Variants in TMEM255B observed in about 807,000 individuals in gnomAD.
TMEM255B encodes the protein transmembrane protein 255B.
Under a neutral mutation model 34.5 loss-of-function variants are expected in TMEM255B, and 35 were observed. The ratio of observed to expected loss-of-function variants is 1.01; its 90% CI spans 0.77 to 1.34. TMEM255B has a LOEUF of 1.34. Among genes scored for constraint, TMEM255B ranks in the 40% most tolerant of loss-of-function variants. TMEM255B has a pLI of 0.00. For synonymous variants in TMEM255B, 206 were observed against 201.2 expected (o/e 1.02, Z -0.20); for missense variants, 432 against 433.2 (o/e 1.00, Z 0.02).
chr13:113,816,939 G>T lies in TMEM255B; in HGVS notation c.*5036G>T, dbSNP rs150771063. 2,185 of 152,276 alleles carry T rather than the reference G, an allele frequency of 0.014. 38 individuals carry two copies. Among genetic ancestry groups the T allele is most frequent in the Non-Finnish European group, 0.025 (1,715 of 68,052 alleles). 9.4% of individuals were successfully genotyped at this position (152,276 alleles called of 1,614,324 possible). On this transcript the variant is annotated 3_prime_UTR_variant, in exon 9 of 9. Coordinates refer to ENST00000375353, the MANE Select transcript of TMEM255B (RefSeq NM_182614.4). ...CTACAAATGGGCTGTGCTGGGATTA[G>T]CCCGGCTGTACATTTGCTTTATGCT...
chr13:113,773,607 A>G (rs1002774582), intron 3 of TMEM255B, among the ~76,000 whole-genome samples: 5 of 152,206 alleles, frequency 3.3e-5, no homozygotes, highest in Non-Finnish European at 7.3e-5. Flanking sequence ...TGCCTGTGCA[A>G]GCTCATTTCT....
At chr13:113,766,690 C>G (rs949009507) in intron 2 of TMEM255B, among the ~76,000 whole-genome samples, 2 of 152,166 alleles carry the variant, frequency 1.3e-5, no homozygotes, top group East Asian at 1.9e-4. Context: ...GGGACCAGGT[C>G]GACCACCATA....
In TMEM255B at chr13:113,806,700, G is replaced by C. The variant is rs1354741353; in HGVS notation, c.813+1672G>C. Among the ~76,000 whole-genome samples the C allele has an allele frequency of 6.6e-6, 1 of 152,116 alleles. No homozygotes were observed. Among genetic ancestry groups the C allele is most frequent in the Non-Finnish European group, 1.5e-5 (1 of 67,982 alleles). ...CCCCAAGCCTCCTGCCCCTGCCCCA[G>C]GGACGTCCCCATCATGGCAGGGACC... On this transcript the variant is annotated intron_variant, in intron 8 of 8. Transcript: ENST00000375353. The surrounding 1 kb of genome is among the most constrained non-coding windows in gnomAD (Gnocchi z 4.2).
chr13:113,801,965 G>T (rs2051074252), intron 7 of TMEM255B, among the ~76,000 whole-genome samples, 153 bp downstream of exon 7: 1 of 152,164 alleles, frequency 6.6e-6, no homozygotes, highest in Non-Finnish European at 1.5e-5. Context: ...GTGACAGCTG[G>T]CGTGCACCGA....
At chr13:113,763,836 T>C (rs2050346147) in intron 1 of TMEM255B, among the ~76,000 whole-genome samples, 1 of 152,222 alleles carries the variant, frequency 6.6e-6, no homozygotes, top group African/African-American at 2.4e-5. Context: ...CCAACGAGGG[T>C]TGGCTTTTAG....
At chr13:113,768,686 T>C (rs1210204464) in intron 2 of TMEM255B, among the ~76,000 whole-genome samples, 1 of 152,202 alleles carries the variant, frequency 6.6e-6, no homozygotes, top group African/African-American at 2.4e-5. Flanking sequence ...AACCCTTCTT[T>C]TGAAACACGG....
intron 3 of TMEM255B, among the ~76,000 whole-genome samples, chr13:113,773,765 G>A (rs2050514051): frequency 6.6e-6 from 1 of 152,224 alleles, no homozygotes; most frequent in African/African-American, 2.4e-5. Flanking sequence ...AAGCATTTCA[G>A]CCTCAGTTTC....
intron 1 of TMEM255B, among the ~76,000 whole-genome samples, chr13:113,764,933 G>T (rs1410976615): frequency 1.3e-5 from 2 of 152,196 alleles, no homozygotes; most frequent in African/African-American, 4.8e-5. Flanking sequence ...CTGCGGCCTG[G>T]AGTATAACAC....
Position 113,769,154 on chromosome 13 carries a change from G to C in TMEM255B, c.246G>C (p.Arg82Ser). Residue 82 changes from arginine (R) to serine (S), a missense_variant, in exon 3 of 9, where the codon AGG becomes AGC. Transcript: ENST00000375353. The surrounding 1 kb of genome is among the most constrained non-coding windows in gnomAD (Gnocchi z 4.2). ...IIGINLVENR[R>S]QMLVAAIVFI... ...GCATCAACTTGGTGGAGAATAGAAG[G>C]CAAATGGTAAGAAAGTACATGGGGT... is the stretch of plus-strand genomic sequence containing the variant. 1.2e-6 allele frequency: 2 copies of C among 1,614,142 alleles called. No individual in the cohort carries two copies. Among genetic ancestry groups the C allele is most frequent in the Non-Finnish European group, 1.7e-6 (2 of 1,179,994 alleles).
At position 113,785,166 on chromosome 13, in the gene TMEM255B, T is replaced by TTAGA. The variant is rs150412294; in HGVS notation, c.253-9982_253-9981insTAGA. 4.6e-5 allele frequency among the ~76,000 whole-genome samples: 7 copies of TTAGA among 152,366 alleles called. No individual in the cohort carries two copies. In the East Asian group the frequency reaches 1.2e-3, roughly 25 times the overall value. On this transcript the variant is annotated intron_variant, in intron 3 of 8. Transcript: ENST00000375353. The stretch of plus-strand genomic sequence containing the variant: ...ACATTAGTCAGTAAGTTGATGTTTC[T>TTAGA]GGGGCTGGATTTAGGCAGTTTTTAG...
rs200751783 is a variant in TMEM255B at position 113,806,886 on chromosome 13, C to T, written c.813+1858C>T. ...GGGACGCTGGGCCTGCAGGTGCTCCCCAAGCGGCTCTACACAGACACAGAC... is the reference window on the plus strand; with the variant it reads ...GGGACGCTGGGCCTGCAGGTGCTCCTCAAGCGGCTCTACACAGACACAGAC... On this transcript the variant is annotated intron_variant, in intron 8 of 8. Transcript: ENST00000375353. The surrounding 1 kb of genome is among the most constrained non-coding windows in gnomAD (Gnocchi z 4.2). Among the ~76,000 whole-genome samples the T allele has an allele frequency of 6.6e-6, 1 of 151,970 alleles. No homozygotes were observed. Among genetic ancestry groups the T allele is most frequent in the Non-Finnish European group, 1.5e-5 (1 of 67,898 alleles).
chr13:113,764,336 C>A (rs7399672), intron 1 of TMEM255B, among the ~76,000 whole-genome samples: 79,411 of 152,032 alleles, frequency 0.52, 21,752 homozygotes, highest in South Asian at 0.79. Context: ...GCCTTGGGGA[C>A]CCGGAGGGCG....
chr13:113,762,105 G>GAAAAAAAAA (rs11290901), intron 1 of TMEM255B, among the ~76,000 whole-genome samples: 6 of 147,632 alleles, frequency 4.1e-5, no homozygotes, highest in African/African-American at 1.0e-4. Flanking sequence ...TCCGGGACAG[G>GAAAAAAAAA]AAAAAAAAAA....
intron 7 of TMEM255B, among the ~76,000 whole-genome samples, chr13:113,804,061 G>C (rs1042238066): frequency 1.3e-5 from 2 of 152,220 alleles, no homozygotes; most frequent in Non-Finnish European, 2.9e-5. Flanking sequence ...GAAGGTGGAG[G>C]GGCACCTGTG....
rs138785176 is a variant in TMEM255B at position 113,793,831 on chromosome 13, A to G, written c.253-1317A>G. Among the ~76,000 whole-genome samples the G allele has an allele frequency of 4.8e-3, 736 of 152,124 alleles. 9 individuals carry two copies. The highest frequency in any genetic ancestry group is 0.017 in the African/African-American group (688 of 41,510). On this transcript the variant is annotated intron_variant, in intron 3 of 8. Coordinates refer to ENST00000375353, the MANE Select transcript of TMEM255B (RefSeq NM_182614.4). Reference sequence around the variant, plus strand: ...GGCTCTGATGGGGCTTCCAGGGAGGACCCCCAGCGGGCCTGTGGTGTGGAG... The same window carrying G: ...GGCTCTGATGGGGCTTCCAGGGAGGGCCCCCAGCGGGCCTGTGGTGTGGAG...
intron 1 of TMEM255B, among the ~76,000 whole-genome samples, chr13:113,764,264 G>A (rs1297709384): frequency 1.3e-5 from 2 of 152,198 alleles, no homozygotes; most frequent in African/African-American, 2.4e-5. Context: ...TGCTGTGCCC[G>A]CCCCTGCACC....
rs553593219 is a variant in TMEM255B at position 113,777,602 on chromosome 13, C to T, written c.252+8442C>T. Among the ~76,000 whole-genome samples, 3 of 152,340 alleles carry T rather than the reference C, an allele frequency of 2.0e-5. No homozygotes were observed. The East Asian group carries it at 5.8e-4, about 29-fold the overall frequency. On this transcript the variant is annotated intron_variant, in intron 3 of 8. Transcript: ENST00000375353. ...CAGGGACTGCGGTGTGTGGGATGCA[C>T]GTGCTTCAGCACCTAGAACAGCTCC...
rs545771934 is a variant in TMEM255B, at chr13:113,777,191, C to T, written c.252+8031C>T. Among the ~76,000 whole-genome samples the T allele has an allele frequency of 3.9e-5, 6 of 152,218 alleles. No individual in the cohort carries two copies. The South Asian group carries it at 1.2e-3, about 32-fold the overall frequency. ...CACTCCGCAGGGAGTTACATGTCACCGGAGCCTCGGCATCTGTTAGAAGAT... is the reference window on the plus strand; with the variant it reads ...CACTCCGCAGGGAGTTACATGTCACTGGAGCCTCGGCATCTGTTAGAAGAT... On this transcript the variant is annotated intron_variant, in intron 3 of 8. Coordinates refer to ENST00000375353, the MANE Select transcript of TMEM255B (RefSeq NM_182614.4).
At chr13:113,809,314 G>T (rs1486551592) in intron 8 of TMEM255B, among the ~76,000 whole-genome samples, 3 of 27,168 alleles carry the variant, frequency 1.1e-4, no homozygotes, top group Non-Finnish European at 2.2e-4. Context: ...GTTCCTGGGG[G>T]TTTACTCCAT....
Sources: gnomAD v4.1 joint callset for allele counts (sites outside exome capture counted in the v4.1 genomes callset) on GRCh38, gnomAD v4.1.1 for gene constraint, Gnocchi (gnomAD v3.1) non-coding constraint, MANE v1.5 for transcripts, NCBI Gene and HGNC (gene_info 2026-07-23, HGNC 2026-07-21) for gene names.